The following CENPP variants were observed in gnomAD, a reference collection of about 807,000 sequenced individuals.
The protein encoded by CENPP is centromere protein P.
In CENPP, 24 loss-of-function variants were observed where a neutral mutation model predicts 35.6. That is an observed-to-expected ratio of 0.67 (90% CI 0.49 to 0.95). The LOEUF is 0.95. Among genes scored for constraint, CENPP ranks in the 40% least tolerant of loss-of-function variants. CENPP has a pLI of 0.00. For missense variants in CENPP, 332 were observed against 345.3 expected (o/e 0.96, Z 0.31); for synonymous variants, 120 against 125.5 (o/e 0.96, Z 0.29).
chr9:92,599,484 T>G (rs945756375), intron 5 of CENPP, among the ~76,000 whole-genome samples: 3 of 152,094 alleles, frequency 2.0e-5, no homozygotes, highest in African/African-American at 7.2e-5. Context: ...TGGTGCGATC[T>G]CGGCTCACTG....
intron 5 of CENPP, among the ~76,000 whole-genome samples, chr9:92,573,102 T>A (rs1009806217): frequency 6.6e-6 from 1 of 152,246 alleles, no homozygotes; most frequent in Non-Finnish European, 1.5e-5. Context: ...TCTCAACTCG[T>A]CAAAGTCATT....
At chr9:92,492,377 G>A (rs1364565086) in intron 5 of CENPP, among the ~76,000 whole-genome samples, 1 of 152,190 alleles carries the variant, frequency 6.6e-6, no homozygotes, top group Non-Finnish European at 1.5e-5. Flanking sequence ...TTATGTGTGA[G>A]TGGGAATAAT....
intron 4 of CENPP, among the ~76,000 whole-genome samples, chr9:92,378,331 G>T (rs944949): frequency 6.6e-6 from 1 of 152,056 alleles, no homozygotes; most frequent in Non-Finnish European, 1.5e-5. Flanking sequence ...CATGATCTCC[G>T]TTGGTTAGAG....
At chr9:92,420,691 A>G (rs548515944) in intron 5 of CENPP, among the ~76,000 whole-genome samples, 6 of 149,436 alleles carry the variant, frequency 4.0e-5, no homozygotes, top group African/African-American at 1.2e-4. Context: ...ATTTATTTCT[A>G]TTTTCTTATA....
At chr9:92,491,921 C>G (rs1049348383) in intron 5 of CENPP, among the ~76,000 whole-genome samples, 2 of 152,136 alleles carry the variant, frequency 1.3e-5, no homozygotes, top group African/African-American at 2.4e-5. Flanking sequence ...GAGGAGCCCT[C>G]GTCTTGCCTC....
intron 4 of CENPP, among the ~76,000 whole-genome samples, chr9:92,371,424 G>A (rs1427531293): frequency 6.6e-6 from 1 of 152,084 alleles, no homozygotes; most frequent in Non-Finnish European, 1.5e-5. Flanking sequence ...TAGCTTCCAG[G>A]GTTCCTTTTG....
chr9:92,586,658 C>CA (rs1850548527), intron 5 of CENPP, among the ~76,000 whole-genome samples: 1 of 152,212 alleles, frequency 6.6e-6, no homozygotes, highest in Non-Finnish European at 1.5e-5. Flanking sequence ...GTGCCCCTCT[C>CA]AGAGCCAAAG....
chr9:92,588,442 A>G (rs960683700), intron 5 of CENPP, among the ~76,000 whole-genome samples: 15 of 150,894 alleles, frequency 9.9e-5, no homozygotes, highest in African/African-American at 3.6e-4. Context: ...TTTAGTAGAG[A>G]CATGGTTTCA....
At chr9:92,559,278 A>C (rs181866461) in intron 5 of CENPP, among the ~76,000 whole-genome samples, 94 of 152,234 alleles carry the variant, frequency 6.2e-4, no homozygotes, top group African/African-American at 2.1e-3. Flanking sequence ...TGGGGACCCA[A>C]CGAGCTCCCA....
At chr9:92,517,686 C>T (rs1260323067) in intron 5 of CENPP, 1 of 1,614,090 alleles carries the variant, frequency 6.2e-7, no homozygotes, top group South Asian at 1.1e-5. Flanking sequence ...AATCTCTGTA[C>T]CAGTAGCGGA....
chr9:92,435,424 C>T (rs949912254), intron 5 of CENPP, among the ~76,000 whole-genome samples: 1 of 152,064 alleles, frequency 6.6e-6, no homozygotes, highest in Non-Finnish European at 1.5e-5. Flanking sequence ...TACCCTTTAC[C>T]CAGTTTCCCC....
chr9:92,478,005 A>G (rs1247762822), intron 5 of CENPP, among the ~76,000 whole-genome samples: 2 of 152,224 alleles, frequency 1.3e-5, no homozygotes, highest in African/African-American at 4.8e-5. Flanking sequence ...GTTTGAGACC[A>G]ATAGAACTAA....
intron 4 of CENPP, among the ~76,000 whole-genome samples, chr9:92,346,465 T>TG (rs1293367626): frequency 2.6e-5 from 4 of 152,112 alleles, no homozygotes; most frequent in Non-Finnish European, 5.9e-5. Flanking sequence ...CAGTGACAGG[T>TG]GGAGGCAAGA....
At chr9:92,517,861 A>G (rs1295926203) in intron 5 of CENPP, 1 of 1,614,160 alleles carries the variant, frequency 6.2e-7, no homozygotes, top group South Asian at 1.1e-5. Context: ...TTTACCAAAC[A>G]GTGTCCCTTC....
At chr9:92,529,318 AGTGT>A (rs1239438888) in intron 5 of CENPP, among the ~76,000 whole-genome samples, 1 of 152,216 alleles carries the variant, frequency 6.6e-6, no homozygotes, top group Non-Finnish European at 1.5e-5. Context: ...AGTGCTGGTG[AGTGT>A]GTGGAGCAAC....
rs561713466 is a variant in CENPP at position 92,551,172 on chromosome 9, C to T, written c.565-60142C>T. Among the ~76,000 whole-genome samples the T allele has an allele frequency of 3.3e-5, 5 of 152,172 alleles. No individual in the cohort carries two copies. In the East Asian group the frequency reaches 9.6e-4, roughly 29 times the overall value. On this transcript the variant is annotated intron_variant, in intron 5 of 7. Transcript: ENST00000375587. ...AGCCCATGTCACAAACCCCTCTTGT[C>T]CAGGTTTAAGTGTGACGCTGGGATT...
chr9:92,365,478 T>A (rs1438509670), intron 4 of CENPP, among the ~76,000 whole-genome samples: 2 of 149,958 alleles, frequency 1.3e-5, no homozygotes, highest in Admixed American at 6.7e-5. Context: ...GGGCATGATC[T>A]TGGCTCACTA....
At chr9:92,486,769 T>G (rs984708039) in intron 5 of CENPP, among the ~76,000 whole-genome samples, 10 of 150,276 alleles carry the variant, frequency 6.7e-5, no homozygotes, top group Non-Finnish European at 1.5e-4. Context: ...TTTATTATAT[T>G]TTGCATGTGT....
chr9:92,547,034 A>G (rs1205170163), intron 5 of CENPP, among the ~76,000 whole-genome samples: 1 of 152,186 alleles, frequency 6.6e-6, no homozygotes, highest in Non-Finnish European at 1.5e-5. Context: ...TAAAATACGT[A>G]TATATTAGCA....
Sources: gnomAD v4.1 joint callset for allele counts (sites outside exome capture counted in the v4.1 genomes callset) on GRCh38, gnomAD v4.1.1 for gene constraint, MANE v1.5 for transcripts, NCBI Gene and HGNC (gene_info 2026-07-23, HGNC 2026-07-21) for gene names.